Variants in ADCY5 observed in about 807,000 individuals in gnomAD.
The protein encoded by ADCY5 is adenylate cyclase type 5.
In ADCY5, 30 loss-of-function variants were observed where a neutral mutation model predicts 119.7. The ratio of observed to expected loss-of-function variants is 0.25; its 90% CI spans 0.19 to 0.34. ADCY5 has a LOEUF of 0.34. ADCY5 is among the 10% of genes least tolerant of loss of function. The probability of loss-of-function intolerance (pLI) is 1.00; values close to 1 mark genes in which losing one functional copy is unlikely to be tolerated. For missense variants in ADCY5, 1,324 were observed against 1,775.2 expected (o/e 0.75, Z 4.57); for synonymous variants, 753 against 762.2 (o/e 0.99, Z 0.20).
intron 1 of ADCY5, among the ~76,000 whole-genome samples, chr3:123,429,832 TG>T (rs1945487848): frequency 6.6e-6 from 1 of 152,122 alleles, no homozygotes; most frequent in Non-Finnish European, 1.5e-5. Context: ...CACACTCTGC[TG>T]GGGAAGAGGC....
chr3:123,313,618 A>G (rs1940710240), intron 12 of ADCY5, among the ~76,000 whole-genome samples: 1 of 152,212 alleles, frequency 6.6e-6, no homozygotes, highest in Non-Finnish European at 1.5e-5. Flanking sequence ...AGTGACCCAG[A>G]GCCAGGTCGC....
intron 12 of ADCY5, among the ~76,000 whole-genome samples, chr3:123,312,236 T>A (rs1390260595): frequency 1.3e-5 from 2 of 152,224 alleles, no homozygotes; most frequent in African/African-American, 4.8e-5. Context: ...TGATTCTGAT[T>A]TGAATGGGCT....
intron 15 of ADCY5, 72 bp downstream of exon 15, chr3:123,300,048 A>C: frequency 6.5e-7 from 1 of 1,533,476 alleles, no homozygotes; most frequent in Non-Finnish European, 8.9e-7. Flanking sequence ...CCAGAACCCT[A>C]AACCTCCTGC....
chr3:123,305,680 CTTG>C (rs1479375982), intron 12 of ADCY5, among the ~76,000 whole-genome samples: 4 of 152,218 alleles, frequency 2.6e-5, no homozygotes, highest in Non-Finnish European at 5.9e-5. Context: ...AACTCATTAG[CTTG>C]TAAGTAGACA....
chr3:123,440,811 C>A (rs910865799), intron 1 of ADCY5, among the ~76,000 whole-genome samples: 4 of 152,134 alleles, frequency 2.6e-5, no homozygotes, highest in African/African-American at 9.7e-5. Context: ...TGTTTTGCCT[C>A]AAAAAGGAAG....
chr3:123,296,961 C>A, intron 16 of ADCY5: 1 of 1,533,750 alleles, frequency 6.5e-7, no homozygotes, highest in Admixed American at 2.0e-5. Flanking sequence ...ACGGGTCCCA[C>A]AAGCACTGCA....
chr3:123,336,119 T>C (rs1019730472), intron 3 of ADCY5, among the ~76,000 whole-genome samples: 1 of 152,150 alleles, frequency 6.6e-6, no homozygotes, highest in Non-Finnish European at 1.5e-5. Flanking sequence ...CGGTATCTGG[T>C]GTGGCTGGTG....
intron 4 of ADCY5, 82 bp from the exon 5 acceptor site, chr3:123,331,098 AC>A: frequency 1.4e-6 from 2 of 1,457,612 alleles, no homozygotes; most frequent in South Asian, 2.6e-5. Context: ...AAAAAGATTC[AC>A]CCCGTGCCTG....
At chr3:123,413,869 G>A (rs1445051749) in intron 1 of ADCY5, among the ~76,000 whole-genome samples, 1 of 152,196 alleles carries the variant, frequency 6.6e-6, no homozygotes, top group East Asian at 1.9e-4. Flanking sequence ...GGGTGGGGGG[G>A]CTGCAGAACG....
At chr3:123,308,923 A>G (rs1258819241) in intron 12 of ADCY5, among the ~76,000 whole-genome samples, 1 of 152,248 alleles carries the variant, frequency 6.6e-6, no homozygotes, top group Admixed American at 6.5e-5. Context: ...CAGATCGTGG[A>G]GAGGATTTTC....
At position 123,416,371 on chromosome 3, in the gene ADCY5, G is replaced by C. The variant is rs995543683; in HGVS notation, c.1134+31041C>G. 4 of 1,506,568 alleles carry C rather than the reference G, an allele frequency of 2.7e-6. No individual in the cohort carries two copies. In the African/African-American group the frequency reaches 5.5e-5, roughly 21 times the overall value. The allele number at this position is 1,506,568 out of a possible 1,614,324, so 93.3% of individuals were successfully genotyped here. On this transcript the variant is annotated intron_variant, in intron 1 of 20. Transcript: ENST00000462833. Reference sequence around the variant, plus strand: ...AGAACATTTTGTCCCCTTGTCTTGGGGAAGACACCAGGCTGCTTAACAGTG... The same window carrying C: ...AGAACATTTTGTCCCCTTGTCTTGGCGAAGACACCAGGCTGCTTAACAGTG...
rs57198270 is a variant in ADCY5, at chr3:123,345,769, G to GACAGACACACAGACACACACAC, written c.1406+2012_1406+2013insGTGTGTGTGTCTGTGTGTCTGT. On this transcript the variant is annotated intron_variant, in intron 3 of 20. Transcript: ENST00000462833. ...AGACAGACAGACAGACAGACAGACA[G>GACAGACACACAGACACACACAC]ACACACACACACACACACACACACA... 7.8e-3 allele frequency among the ~76,000 whole-genome samples: 883 copies of GACAGACACACAGACACACACAC among 113,784 alleles called. 20 individuals are homozygous for GACAGACACACAGACACACACAC. The highest frequency in any genetic ancestry group is 9.7e-3 in the Non-Finnish European group (560 of 57,638). 74.6% of individuals were successfully genotyped at this position (113,784 alleles called of 152,430 possible).
intron 14 of ADCY5, among the ~76,000 whole-genome samples, chr3:123,302,761 T>C (rs1319915855): frequency 1.3e-5 from 2 of 152,158 alleles, no homozygotes; most frequent in East Asian, 3.8e-4. Context: ...TCATAGGCTG[T>C]TGGGAGGATT....
intron 8 of ADCY5, among the ~76,000 whole-genome samples, chr3:123,324,318 A>C (rs1200624275): frequency 6.6e-6 from 1 of 151,828 alleles, no homozygotes; most frequent in African/African-American, 2.4e-5. Context: ...CTTCTGCCAC[A>C]ACCTCAACCC....
chr3:123,447,307 C>T (rs568051465), intron 1 of ADCY5, 105 bp downstream of exon 1: 378 of 1,275,594 alleles, frequency 3.0e-4, no homozygotes, highest in Admixed American at 2.9e-4. Flanking sequence ...GTCTCTCTGG[C>T]TCTTTTCACC....
chr3:123,370,118 A>C (rs529554655), intron 1 of ADCY5, among the ~76,000 whole-genome samples: 1 of 152,196 alleles, frequency 6.6e-6, no homozygotes, highest in Non-Finnish European at 1.5e-5. Context: ...AGAAGACTAT[A>C]AAAACAGCCA....
chr3:123,394,342 T>G (rs1944482190), intron 1 of ADCY5, among the ~76,000 whole-genome samples: 1 of 152,162 alleles, frequency 6.6e-6, no homozygotes, highest in African/African-American at 2.4e-5. Context: ...TTGAACGAAT[T>G]TTTTTTAAAA....
rs1363816630 is a variant in ADCY5, at chr3:123,328,784, T to C, written c.1665A>G (p.Thr555=). 5.6e-6 allele frequency: 9 copies of C among 1,614,188 alleles called. No homozygotes were observed. Among genetic ancestry groups the C allele is most frequent in the Non-Finnish European group, 7.6e-6 (9 of 1,180,020 alleles). ...IEAISLVREV[T]GVNVNMRVGI... ...CCACACGCATGTTCACGTTCACCCC[T>C]GTCACCTCCCGGACCAACCTGGGGA... The change falls in exon 6 of 21, where the codon ACA becomes ACG. Residue 555 remains threonine (T), a synonymous_variant. Transcript: ENST00000462833.
rs950214146 is a variant in ADCY5, at chr3:123,318,195, C to T, written c.2257-78G>A. On this transcript the variant is annotated intron_variant, in intron 10 of 20. Transcript: ENST00000462833. ...TCCAGCCCTGTCAATCCCACACACC[C>T]AGGGAAGCCACTCATGGCTGGTCAC... 1.1e-5 allele frequency: 13 copies of T among 1,153,080 alleles called. No individual in the cohort carries two copies. The African/African-American group carries it at 1.4e-4, about 12-fold the overall frequency. 71.4% of individuals were successfully genotyped at this position (1,153,080 alleles called of 1,614,324 possible).
Sources: allele counts gnomAD v4.1 joint callset (sites outside exome capture counted in the v4.1 genomes callset), GRCh38; gene constraint gnomAD v4.1.1; transcripts MANE v1.5; gene names NCBI Gene and HGNC (gene_info 2026-07-23, HGNC 2026-07-21).